RDH13: variants seen among roughly 807,000 people sequenced by gnomAD.
The protein encoded by RDH13 is retinol dehydrogenase 13 (all-trans and 9-cis).
Under a neutral mutation model 28.3 loss-of-function variants are expected in RDH13, and 35 were observed. The ratio of observed to expected loss-of-function variants is 1.24; its 90% CI spans 0.95 to 1.64. The LOEUF is 1.64. RDH13 is among the 40% of genes most tolerant of loss of function. The probability of loss-of-function intolerance (pLI) is 0.00; values close to 1 mark genes in which losing one functional copy is unlikely to be tolerated. For missense variants in RDH13, 514 were observed against 446.3 expected, an observed-to-expected ratio of 1.15 and a Z score of -1.37; for synonymous variants, 229 against 198.5, an observed-to-expected ratio of 1.15 and a Z score of -1.29.
chr19:55,042,536 C>T (rs1467388500), downstream of RDH13: 1 of 152,006 alleles, frequency 6.6e-6, no homozygotes, highest in Non-Finnish European at 1.5e-5. Context: ...TTCGGAGAAC[C>T]AAAGGCTTTG....
chr19:55,048,021 A>T, intron 5 of RDH13: 2 of 1,421,772 alleles, frequency 1.4e-6, no homozygotes, highest in South Asian at 2.8e-5. Context: ...ACTGCGGGTC[A>T]AAACTGCCCC....
At chr19:55,060,369 G>C (rs942885215) in intron 1 of RDH13, among the ~76,000 whole-genome samples, 1 of 152,062 alleles carries the variant, frequency 6.6e-6, no homozygotes, top group South Asian at 2.1e-4. Flanking sequence ...ACATCAATCT[G>C]GCCTACGTGC....
chr19:55,051,730 T>C (rs985297905), intron 3 of RDH13, among the ~76,000 whole-genome samples: 12 of 134,400 alleles, frequency 8.9e-5, no homozygotes, highest in African/African-American at 3.2e-4. Context: ...GCCCAGCCTG[T>C]TTTTTTTTTT....
At chr19:55,060,065 T>C (rs2075762741) in intron 1 of RDH13, among the ~76,000 whole-genome samples, 1 of 152,098 alleles carries the variant, frequency 6.6e-6, no homozygotes, top group African/African-American at 2.4e-5. Context: ...TGGGATAGTC[T>C]GAAATATGGC....
chr19:55,043,561 G>A (rs998880940), downstream of RDH13, among the ~76,000 whole-genome samples: 37 of 151,492 alleles, frequency 2.4e-4, no homozygotes, highest in Non-Finnish European at 4.3e-4. Context: ...CCAGCTACTC[G>A]GGAGGCTGAG....
chr19:55,043,736 T>A (rs1381967637), downstream of RDH13, among the ~76,000 whole-genome samples: 5 of 152,000 alleles, frequency 3.3e-5, no homozygotes, highest in African/African-American at 4.8e-5. Context: ...TGAAAACATG[T>A]TTTCTATCTC....
At chr19:55,059,739 A>C (rs961689353) in intron 1 of RDH13, among the ~76,000 whole-genome samples, 2 of 152,178 alleles carry the variant, frequency 1.3e-5, no homozygotes, top group African/African-American at 4.8e-5. Context: ...TAGAAAGGAA[A>C]GACATAAGAG....
chr19:55,042,603 G>C (rs898448823), downstream of RDH13: 1 of 152,206 alleles, frequency 6.6e-6, no homozygotes, highest in African/African-American at 2.4e-5. Context: ...GCTTTTCCGT[G>C]ATCTCCCAGT....
At chr19:55,062,882 G>A (rs960684001) in intron 1 of RDH13, 86 bp downstream of exon 1, 26 of 1,173,428 alleles carry the variant, frequency 2.2e-5, no homozygotes, top group Non-Finnish European at 2.8e-5. Flanking sequence ...GGACCCGGGT[G>A]CGAGGGGCGG....
chr19:55,068,203 A>G (rs2075994147), intron 1 of RDH13, among the ~76,000 whole-genome samples: 1 of 150,962 alleles, frequency 6.6e-6, no homozygotes, highest in Non-Finnish European at 1.5e-5. Context: ...CTCTCTCCCT[A>G]CACACATCTT....
At chr19:55,056,198 C>T (rs1031130407) in intron 3 of RDH13, among the ~76,000 whole-genome samples, 2 of 149,996 alleles carry the variant, frequency 1.3e-5, no homozygotes, top group South Asian at 4.2e-4. Flanking sequence ...GCGCAGTGGC[C>T]CACGCCTGTA....
intron 6 of RDH13, 110 bp downstream of exon 6, chr19:55,047,277 G>C: frequency 6.7e-7 from 1 of 1,487,476 alleles, no homozygotes; most frequent in Non-Finnish European, 8.9e-7. Flanking sequence ...TAGGCGAGGA[G>C]CAGGCATGAG....
upstream of RDH13, chr19:55,067,484 G>A (rs2075981380): frequency 6.6e-6 from 1 of 151,008 alleles, no homozygotes; most frequent in African/African-American, 2.4e-5. Context: ...ATTGTGGGAG[G>A]AGGGAGGGCT....
rs141508590 is a variant in RDH13 at position 55,062,251 on chromosome 19, C to T, written c.65+717G>A. ...CGACTCTGCCCACCACACCCATGTCCCACAGAGGCTAACGCTGGCAACAAG... is the reference window on the plus strand; with the variant it reads ...CGACTCTGCCCACCACACCCATGTCTCACAGAGGCTAACGCTGGCAACAAG... On this transcript the variant is annotated intron_variant, in intron 1 of 6. Transcript: ENST00000415061. Among the ~76,000 whole-genome samples the T allele has an allele frequency of 4.9e-3, 749 of 152,312 alleles. 9 individuals are homozygous for T. Among genetic ancestry groups the T allele is most frequent in the Non-Finnish European group, 5.6e-3 (382 of 68,034 alleles).
At chr19:55,057,484 G>A (rs1284221206) in intron 2 of RDH13, among the ~76,000 whole-genome samples, 1 of 150,326 alleles carries the variant, frequency 6.7e-6, no homozygotes, top group East Asian at 2.0e-4. Flanking sequence ...CCAGGCTGGA[G>A]TGCGGTGGCG....
chr19:55,061,387 C>CCA (rs899208574), intron 1 of RDH13, among the ~76,000 whole-genome samples: 4 of 151,994 alleles, frequency 2.6e-5, no homozygotes, highest in African/African-American at 9.7e-5. Flanking sequence ...CCTTGGCCTC[C>CCA]CAAAGTGCTG....
chr19:55,047,487 G>T lies in RDH13; in HGVS notation c.660C>A (p.Gly220=), dbSNP rs541257399. 3.1e-6 allele frequency: 5 copies of T among 1,604,806 alleles called. No individual in the cohort carries two copies. In the South Asian group the frequency reaches 4.4e-5, roughly 14 times the overall value. Residue 220 remains glycine, a splice_region_variant and synonymous_variant, in exon 6 of 7, where the codon GGC becomes GGA. Transcript: ENST00000415061. ...FTKELSRRLQ[G]SGVTVNALHP... The stretch of plus-strand genomic sequence containing the variant: ...GCAGGGCGTTGACAGTCACACCAGA[G>T]CCTGGGGAAGAAAGAAAGAGAAGAC...
At position 55,056,726 on chromosome 19, in the gene RDH13, G is replaced by A. The variant is rs751005814; in HGVS notation, c.267C>T (p.His89=). The change falls in exon 3 of 7, where the codon CAC becomes CAT. Residue 89 remains histidine (H), a synonymous_variant. Transcript: ENST00000415061. The part of the protein sequence containing the change: ...AKDIRGETLN[H]HVNARHLDLA... ...AGTCCAGGTGCCGGGCGTTGACATG[G>A]TGATTGAGGGTCTCCCCGCGGATGT... 8.1e-6 allele frequency: 13 copies of A among 1,613,962 alleles called. No individual in the cohort carries two copies. The highest frequency in any genetic ancestry group is 1.7e-5 in the Admixed American group (1 of 59,972).
At chr19:55,042,985 A>T (rs946685369), downstream of RDH13, 2 of 152,264 alleles carry the variant, frequency 1.3e-5, no homozygotes, top group African/African-American at 4.8e-5. Context: ...TACTGCTAGA[A>T]GCCAGTCGCT....
Sources: allele counts gnomAD v4.1 joint callset (sites outside exome capture counted in the v4.1 genomes callset), GRCh38; gene constraint gnomAD v4.1.1; transcripts MANE v1.5; gene names NCBI Gene and HGNC (gene_info 2026-07-23, HGNC 2026-07-21).